Variants in COA8 observed in about 807,000 individuals in gnomAD.
The protein encoded by COA8 is UPF0671 protein C14orf153.
COA8 carries 20 observed loss-of-function variants against 22.0 expected under a neutral mutation model. The observed-to-expected ratio is 0.91, with a 90% CI of 0.64 to 1.32. The LOEUF (loss-of-function observed/expected upper bound fraction) is 1.32. Ranked by LOEUF, COA8 falls within the 40% of genes most tolerant of loss-of-function variation. COA8 has a pLI of 0.00. For synonymous variants in COA8, 105 were observed against 79.9 expected (o/e 1.31, Z -1.68); for missense variants, 266 against 230.0 (o/e 1.16, Z -1.01).
intron 1 of COA8, among the ~76,000 whole-genome samples, chr14:103,568,259 G>C (rs1478000438): frequency 6.6e-6 from 1 of 152,134 alleles, no homozygotes; most frequent in Non-Finnish European, 1.5e-5. Context: ...TCCGAATCTT[G>C]GCTTCTGGAG....
chr14:103,563,183 C>T, intron 1 of COA8, 59 bp downstream of exon 1: 1 of 1,500,106 alleles, frequency 6.7e-7, no homozygotes, highest in Non-Finnish European at 9.0e-7. Context: ...AAGACAAACC[C>T]GGGCCTCGGG....
At chr14:103,589,743 TA>T (rs547553663) in intron 4 of COA8, among the ~76,000 whole-genome samples, 1,596 of 143,374 alleles carry the variant, frequency 0.011, 24 homozygotes, top group African/African-American at 0.034. Context: ...CTGTCTCTAC[TA>T]AAAAAAAAAA....
intron 3 of COA8, among the ~76,000 whole-genome samples, chr14:103,587,041 C>T (rs2151187819): frequency 6.6e-6 from 1 of 152,254 alleles, no homozygotes; most frequent in Middle Eastern, 3.4e-3. Flanking sequence ...TTACACGTCT[C>T]CTCTCAAATT....
At chr14:103,571,347 C>T (rs1328147365) in intron 1 of COA8, among the ~76,000 whole-genome samples, 3 of 151,154 alleles carry the variant, frequency 2.0e-5, no homozygotes, top group African/African-American at 2.4e-5. Flanking sequence ...CCAGCCTGAG[C>T]GACAGAGTGA....
At position 103,584,757 on chromosome 14, in the gene COA8, GT is replaced by G. The variant is rs2076293094; in HGVS notation, c.386-2516del. Among the ~76,000 whole-genome samples the G allele has an allele frequency of 2.0e-5, 3 of 152,178 alleles. No homozygotes were observed. The South Asian group carries it at 6.2e-4, about 32-fold the overall frequency. On this transcript the variant is annotated intron_variant, in intron 3 of 4. Transcript: ENST00000409074. The stretch of plus-strand genomic sequence containing the variant: ...CATGCCTTTGTCTTTCTGATTTCCC[GT>G]GGTGTTGAGCATCTTGTCATGTGCT...
intron 3 of COA8, among the ~76,000 whole-genome samples, chr14:103,575,518 G>A (rs982225258): frequency 4.6e-5 from 7 of 152,300 alleles, no homozygotes; most frequent in Middle Eastern, 3.4e-3. Flanking sequence ...TTGGGCCAGA[G>A]CACATGTCTT....
intron 3 of COA8, among the ~76,000 whole-genome samples, chr14:103,575,725 G>C: frequency 6.6e-6 from 1 of 151,974 alleles, no homozygotes; most frequent in Non-Finnish European, 1.5e-5. Flanking sequence ...CTTGAGTCAG[G>C]GTCTCACTCT....
chr14:103,573,476 T>C (rs2076204187), intron 2 of COA8, among the ~76,000 whole-genome samples: 1 of 152,140 alleles, frequency 6.6e-6, no homozygotes, highest in South Asian at 2.1e-4. Context: ...CGGCAACATT[T>C]AAACTTTGAC....
chr14:103,588,129 A>C (rs1017014795), intron 4 of COA8: 2 of 312,512 alleles, frequency 6.4e-6, no homozygotes, highest in Non-Finnish European at 1.2e-5. Flanking sequence ...AAAAAAAAAA[A>C]AAAAAAAAAA....
chr14:103,564,430 A>G (rs2076119045), intron 1 of COA8, among the ~76,000 whole-genome samples: 1 of 152,164 alleles, frequency 6.6e-6, no homozygotes, highest in South Asian at 2.1e-4. Context: ...CAGGTGTCTG[A>G]AAATGCTCTA....
chr14:103,575,638 T>G (rs1197484097), intron 3 of COA8, among the ~76,000 whole-genome samples: 5 of 152,204 alleles, frequency 3.3e-5, no homozygotes, highest in Non-Finnish European at 7.3e-5. Context: ...AGAACAAATT[T>G]AGATTCGTTC....
chr14:103,570,076 C>T (rs578036831), intron 1 of COA8, among the ~76,000 whole-genome samples: 1 of 152,016 alleles, frequency 6.6e-6, no homozygotes, highest in Non-Finnish European at 1.5e-5. Context: ...AGGCTGGTCT[C>T]GAACTCCCGA....
chr14:103,574,379 C>A, intron 3 of COA8: 1 of 730,128 alleles, frequency 1.4e-6, no homozygotes, highest in South Asian at 1.5e-5. Context: ...TCCTTTCTCT[C>A]CGGATTTTAG....
Position 103,563,059 on chromosome 14 carries a change from G to A in COA8, c.58G>A (p.Ala20Thr), listed in dbSNP as rs750359122. ...TCTCCCCCCTCTCTGCCGCGCCTTC[G>A]CCTGCCGCGGCTGTCAACTCGCTCC... Reference protein sequence around the residue: ...TFLPPLCRAFACRGCQLAPER... With the variant: ...TFLPPLCRAFTCRGCQLAPER... Residue 20 changes from alanine (A) to threonine (T), a missense_variant, in exon 1 of 5, where the codon GCC (alanine) becomes ACC (threonine). By Grantham distance (58) the Ala-to-Thr change is moderately conservative. Transcript: ENST00000409074. 1.3e-6 allele frequency: 2 copies of A among 1,538,308 alleles called. No individual in the cohort carries two copies. The highest frequency in any genetic ancestry group is 2.4e-5 in the South Asian group (2 of 84,332).
At chr14:103,582,056 C>A (rs540893384) in intron 3 of COA8, among the ~76,000 whole-genome samples, 1 of 152,182 alleles carries the variant, frequency 6.6e-6, no homozygotes, top group Non-Finnish European at 1.5e-5. Flanking sequence ...GGCAGTCTGC[C>A]GGGGAGGCTA....
chr14:103,589,833 G>A (rs1183495789), intron 4 of COA8, among the ~76,000 whole-genome samples: 2 of 151,728 alleles, frequency 1.3e-5, no homozygotes, highest in East Asian at 3.9e-4. Context: ...AGAATGGCGC[G>A]AACCCGGGAG....
intron 3 of COA8, among the ~76,000 whole-genome samples, chr14:103,579,690 C>T (rs772698067): frequency 2.1e-5 from 3 of 144,604 alleles, no homozygotes; most frequent in Non-Finnish European, 1.5e-5. Context: ...CGGCCGGGCA[C>T]GGTGGCTCAC....
chr14:103,579,340 G>T, intron 3 of COA8: 1 of 213,954 alleles, frequency 4.7e-6, no homozygotes, highest in Non-Finnish European at 9.7e-6. Flanking sequence ...ATAAAATATT[G>T]AAAATAAAAA....
intron 2 of COA8, among the ~76,000 whole-genome samples, chr14:103,572,795 C>G (rs55825782): frequency 6.7e-6 from 1 of 149,660 alleles, no homozygotes; most frequent in South Asian, 2.1e-4. Flanking sequence ...AAATTTTTTT[C>G]TTTTTTGAGA....
Sources: allele counts gnomAD v4.1 joint callset (sites outside exome capture counted in the v4.1 genomes callset), GRCh38; gene constraint gnomAD v4.1.1; transcripts MANE v1.5; gene names NCBI Gene and HGNC (gene_info 2026-07-23, HGNC 2026-07-21).